Variants in TFEC observed in about 807,000 individuals in gnomAD.
The protein encoded by TFEC is class E basic helix-loop-helix protein 34.
A neutral mutation model predicts 41.6 loss-of-function variants in TFEC; 31 were observed. The observed-to-expected ratio is 0.74, with a 90% confidence interval of 0.56 to 1.01. The LOEUF is 1.01. Among genes scored for constraint, TFEC ranks in the 50% least tolerant of loss-of-function variants. The pLI is 0.00. For synonymous variants in TFEC, 143 were observed against 140.6 expected (o/e 1.02, Z -0.12); for missense variants, 402 against 404.1 (o/e 0.99, Z 0.04).
intron 3 of TFEC, among the ~76,000 whole-genome samples, chr7:116,070,439 TAA>T (rs891911363): frequency 6.6e-6 from 1 of 151,372 alleles, no homozygotes; most frequent in African/African-American, 2.4e-5. Context: ...ACTGAACCAA[TAA>T]ATTACCTCAA....
At chr7:116,151,777 T>C (rs949219738) in intron 1 of TFEC, among the ~76,000 whole-genome samples, 4 of 152,154 alleles carry the variant, frequency 2.6e-5, no homozygotes, top group African/African-American at 9.7e-5. Context: ...TAGTCTCAGA[T>C]AATATGAAGT....
At chr7:116,158,706 G>C (rs1396340029) in intron 1 of TFEC, among the ~76,000 whole-genome samples, 2 of 151,926 alleles carry the variant, frequency 1.3e-5, no homozygotes, top group South Asian at 2.1e-4. Context: ...AAAATGTTAG[G>C]CTTTTTCTTT....
At chr7:116,078,275 A>G (rs1797006583) in intron 3 of TFEC, among the ~76,000 whole-genome samples, 1 of 151,778 alleles carries the variant, frequency 6.6e-6, no homozygotes, top group Admixed American at 6.6e-5. Flanking sequence ...CACATCACAC[A>G]GAACTTGAGA....
intron 1 of TFEC, among the ~76,000 whole-genome samples, chr7:116,159,297 T>C (rs1280548931): frequency 6.6e-6 from 1 of 151,994 alleles, no homozygotes; most frequent in Non-Finnish European, 1.5e-5. Flanking sequence ...TTATCAAAAA[T>C]ATACTTTATA....
intron 1 of TFEC, among the ~76,000 whole-genome samples, chr7:115,997,324 T>A (rs564333318): frequency 6.6e-6 from 1 of 152,316 alleles, no homozygotes; most frequent in South Asian, 2.1e-4. Flanking sequence ...CTGGATCTTA[T>A]CTAAGACCGC....
At chr7:116,060,523 A>C (rs1019114589) in intron 3 of TFEC, among the ~76,000 whole-genome samples, 1 of 152,208 alleles carries the variant, frequency 6.6e-6, no homozygotes, top group South Asian at 2.1e-4. Flanking sequence ...ATGGAATACT[A>C]TGCAGCCCTA....
intron 1 of TFEC, among the ~76,000 whole-genome samples, chr7:116,152,770 C>A (rs1798787419): frequency 6.6e-6 from 1 of 152,028 alleles, no homozygotes; most frequent in Admixed American, 6.6e-5. Context: ...TAATTGCATC[C>A]TAGAGCAAAG....
At chr7:116,125,429 T>A (rs868187862) in intron 1 of TFEC, among the ~76,000 whole-genome samples, 2 of 152,176 alleles carry the variant, frequency 1.3e-5, no homozygotes, top group Admixed American at 6.5e-5. Context: ...AAATTCCAAG[T>A]TAAGAAATTT....
In TFEC at chr7:115,940,322, T is replaced by G; in HGVS notation, c.*229A>C. ...TCAGGAAAACAGAATTTAAGTGGAT[T>G]TGGACTCCGTAGTCAAAGAAGAAAA... On this transcript the variant is annotated 3_prime_UTR_variant, in exon 8 of 8. Coordinates refer to ENST00000265440, the MANE Select transcript of TFEC (RefSeq NM_012252.4). The G allele has an allele frequency of 4.6e-6, 2 of 436,250 alleles. No homozygotes were observed. The highest frequency in any genetic ancestry group is 8.1e-6 in the Non-Finnish European group (2 of 246,006). The allele number at this position is 436,250 out of a possible 1,614,324, so 27.0% of individuals were successfully genotyped here.
chr7:116,154,490 T>A (rs1798828225), intron 1 of TFEC, among the ~76,000 whole-genome samples: 1 of 152,188 alleles, frequency 6.6e-6, no homozygotes, highest in South Asian at 2.1e-4. Flanking sequence ...GGTATATTTT[T>A]ATTTATTCAA....
chr7:115,979,595 GA>G (rs1793534839), intron 2 of TFEC, among the ~76,000 whole-genome samples: 1 of 152,032 alleles, frequency 6.6e-6, no homozygotes, highest in Admixed American at 6.6e-5. Flanking sequence ...TCTTTTTTGA[GA>G]AATAGATTTT....
chr7:116,140,864 A>G (rs1294436653), intron 1 of TFEC, among the ~76,000 whole-genome samples: 1 of 152,188 alleles, frequency 6.6e-6, no homozygotes, highest in East Asian at 1.9e-4. Context: ...AATTCTATCT[A>G]CTAGAGGTGA....
At chr7:116,056,191 G>A (rs570987462) in intron 3 of TFEC, among the ~76,000 whole-genome samples, 6 of 151,696 alleles carry the variant, frequency 4.0e-5, no homozygotes, top group Non-Finnish European at 5.9e-5. Context: ...GAAAGGTAAG[G>A]TAACTCAAGA....
At chr7:116,013,352 C>T (rs913019123) in intron 1 of TFEC, among the ~76,000 whole-genome samples, 15 of 152,114 alleles carry the variant, frequency 9.9e-5, no homozygotes, top group African/African-American at 3.1e-4. Flanking sequence ...CCCCTTGTAA[C>T]TAAACAACAA....
rs569480964 is a variant in TFEC at position 116,062,225 on chromosome 7, C to CTTTTTTTTTT, written c.198+48473_198+48482dup. On this transcript the variant is annotated intron_variant, in intron 3 of 8. Coordinates refer to the TFEC transcript ENST00000484212. Reference sequence around the variant, plus strand: ...ACAGGCATGTGCCAACATGCCTGGCCTTTTTTTTTTTTTTTTTTTTTTTTT... The same window carrying CTTTTTTTTTT: ...ACAGGCATGTGCCAACATGCCTGGCCTTTTTTTTTTTTTTTTTTTTTTTTTTTTTTTTTTT... Among the ~76,000 whole-genome samples, 47 of 51,908 alleles carry CTTTTTTTTTT rather than the reference C, an allele frequency of 9.1e-4. 2 individuals are homozygous for CTTTTTTTTTT. Among genetic ancestry groups the CTTTTTTTTTT allele is most frequent in the African/African-American group, 3.5e-3 (31 of 8,892 alleles). 34.1% of individuals were successfully genotyped at this position (51,908 alleles called of 152,430 possible). A position where few individuals can be genotyped will look rare whatever the true frequency, so the allele number is the denominator to read the frequency against.
chr7:115,974,044 T>G (rs1399023345), intron 3 of TFEC, 126 bp downstream of exon 3: 11 of 674,090 alleles, frequency 1.6e-5, no homozygotes, highest in Non-Finnish European at 2.4e-5. Context: ...TATTTTCTAG[T>G]ATTCATCTTT....
At chr7:116,124,479 C>A (rs1231021789) in intron 1 of TFEC, among the ~76,000 whole-genome samples, 1 of 151,962 alleles carries the variant, frequency 6.6e-6, no homozygotes, top group African/African-American at 2.4e-5. Flanking sequence ...TATAATTCAA[C>A]CAACTTTGAA....
intron 6 of TFEC, among the ~76,000 whole-genome samples, chr7:115,947,568 C>T (rs542737285): frequency 7.3e-4 from 110 of 151,690 alleles, no homozygotes; most frequent in African/African-American, 2.5e-3. Flanking sequence ...TCTCCACATC[C>T]TCTCCAGCAC....
intron 1 of TFEC, among the ~76,000 whole-genome samples, chr7:116,001,186 C>T: frequency 6.6e-6 from 1 of 152,032 alleles, no homozygotes; most frequent in Non-Finnish European, 1.5e-5. Context: ...GTGCCAATAA[C>T]ACATATTGGG....
Sources: gnomAD v4.1 joint callset for allele counts (sites outside exome capture counted in the v4.1 genomes callset) on GRCh38, gnomAD v4.1.1 for gene constraint, MANE v1.5 for transcripts, NCBI Gene and HGNC (gene_info 2026-07-23, HGNC 2026-07-21) for gene names.